ABAT: variants seen among roughly 807,000 people sequenced by gnomAD.
The protein encoded by ABAT is 4-aminobutyrate aminotransferase, mitochondrial.
A neutral mutation model predicts 64.6 loss-of-function variants in ABAT; 45 were observed. The observed-to-expected ratio is 0.70, with a 90% CI of 0.55 to 0.89. The LOEUF (loss-of-function observed/expected upper bound fraction) is 0.89. ABAT is among the 40% of genes least tolerant of loss of function. The pLI is 0.00. For missense variants in ABAT, 633 were observed against 658.4 expected (o/e 0.96, Z 0.42); for synonymous variants, 297 against 250.5 (o/e 1.19, Z -1.75).
chr16:8,722,075 G>A (rs1355471894), intron 1 of ABAT, among the ~76,000 whole-genome samples: 15 of 152,128 alleles, frequency 9.9e-5, no homozygotes. Context: ...TTTCAGTTCT[G>A]ATCATGTCAA....
Position 8,684,911 on chromosome 16 carries a change from C to T in ABAT, c.-42+10200C>T, listed in dbSNP as rs575895891. On this transcript the variant is annotated intron_variant, in intron 1 of 15. Transcript: ENST00000268251. ...GGTCTAAATAGATTCAAAACAGAGG[C>T]AAACATGGTTGGACAAGGCAGAATT... Among the ~76,000 whole-genome samples the T allele has an allele frequency of 4.0e-4, 61 of 152,204 alleles. No homozygotes were observed. In the Middle Eastern group the frequency reaches 0.01, roughly 25 times the overall value.
intron 1 of ABAT, chr16:8,683,260 C>A (rs12921061): frequency 0.14 from 21,489 of 152,782 alleles, 1,976 homozygotes; most frequent in Admixed American, 0.23. Flanking sequence ...ATCCACTGAG[C>A]AGGGCGGCAC....
chr16:8,774,219 A>C (rs1234752671), intron 12 of ABAT, among the ~76,000 whole-genome samples: 1 of 152,164 alleles, frequency 6.6e-6, no homozygotes, highest in African/African-American at 2.4e-5. Flanking sequence ...GGTGAGAGCC[A>C]CCGCGCCTTG....
At chr16:8,719,701 T>C (rs1464000322) in intron 1 of ABAT, among the ~76,000 whole-genome samples, 1 of 152,130 alleles carries the variant, frequency 6.6e-6, no homozygotes, top group East Asian at 1.9e-4. Context: ...AAGTCCAGCC[T>C]GGGAAACGTA....
At chr16:8,723,141 G>A (rs1399127748) in intron 1 of ABAT, among the ~76,000 whole-genome samples, 1 of 152,166 alleles carries the variant, frequency 6.6e-6, no homozygotes, top group East Asian at 1.9e-4. Context: ...GCTGAGGCAG[G>A]AGAATCACTT....
intron 2 of ABAT, among the ~76,000 whole-genome samples, chr16:8,741,216 C>T (rs1486882875): frequency 6.6e-6 from 1 of 152,240 alleles, no homozygotes; most frequent in Non-Finnish European, 1.5e-5. Flanking sequence ...AATGAAAATG[C>T]TTGATCATTC....
chr16:8,751,112 C>G (rs1214650018), intron 5 of ABAT, among the ~76,000 whole-genome samples: 1 of 152,052 alleles, frequency 6.6e-6, no homozygotes, highest in Non-Finnish European at 1.5e-5. Flanking sequence ...CCATGCCTAT[C>G]TAATTTTTGC....
intron 11 of ABAT, among the ~76,000 whole-genome samples, chr16:8,772,450 A>G (rs1179251559): frequency 1.3e-5 from 2 of 152,202 alleles, no homozygotes; most frequent in African/African-American, 2.4e-5. Flanking sequence ...TCATAGTGCT[A>G]TATTTTCTCA....
chr16:8,715,779 T>C (rs1326715892), intron 1 of ABAT: 1 of 151,776 alleles, frequency 6.6e-6, no homozygotes, highest in Non-Finnish European at 1.5e-5. Context: ...AAAAAGATAA[T>C]AGTATTTTAT....
chr16:8,747,030 C>T (rs1185107617), intron 3 of ABAT, among the ~76,000 whole-genome samples: 1 of 152,170 alleles, frequency 6.6e-6, no homozygotes, highest in Non-Finnish European at 1.5e-5. Flanking sequence ...GGGGCTTGTC[C>T]TCATGGCAAT....
intron 1 of ABAT, among the ~76,000 whole-genome samples, chr16:8,688,797 G>C (rs990860825): frequency 3.3e-5 from 5 of 152,232 alleles, no homozygotes; most frequent in Non-Finnish European, 5.9e-5. Flanking sequence ...AAGAAGTCCA[G>C]CTGGGCATGG....
In ABAT at chr16:8,776,587, C is replaced by T; in HGVS notation, c.1269+97C>T. ...GCTCTTCGGCATGGTGTTGTGCCTG[C>T]TGTTCCAGCAGTTCGTAACGGGCTG... On this transcript the variant is annotated intron_variant, in intron 14 of 15. Coordinates refer to ENST00000268251, the MANE Select transcript of ABAT (RefSeq NM_020686.6). This position sits in a 1 kb window ranked among gnomAD's most constrained non-coding sequence, Gnocchi z 4.4. The T allele has an allele frequency of 7.6e-7, 1 of 1,316,796 alleles. No individual in the cohort carries two copies. The highest frequency in any genetic ancestry group is 2.0e-5 in the Admixed American group (1 of 50,606). 81.6% of individuals were successfully genotyped at this position (1,316,796 alleles called of 1,614,324 possible). A position where few individuals can be genotyped will look rare whatever the true frequency, so the allele number is the denominator to read the frequency against.
At chr16:8,684,916 A>C (rs762311694) in intron 1 of ABAT, among the ~76,000 whole-genome samples, 1 of 152,190 alleles carries the variant, frequency 6.6e-6, no homozygotes, top group Non-Finnish European at 1.5e-5. Context: ...AGAGGCAAAC[A>C]TGGTTGGACA....
chr16:8,726,262 CT>C (rs71152921), intron 1 of ABAT, among the ~76,000 whole-genome samples: 92 of 120,804 alleles, frequency 7.6e-4, no homozygotes, highest in South Asian at 6.8e-3. Flanking sequence ...ATGACTAGAT[CT>C]TTTTTTTTTT....
chr16:8,700,718 C>A lies in ABAT; in HGVS notation c.-42+26007C>A, dbSNP rs115287934. ...ATCAAGCAGTCTTCCCACTCAGCTTCCCAAGTTGTTGGGACTACAGGTGTG... is the reference window on the plus strand; with the variant it reads ...ATCAAGCAGTCTTCCCACTCAGCTTACCAAGTTGTTGGGACTACAGGTGTG... On this transcript the variant is annotated intron_variant, in intron 1 of 15. Transcript: ENST00000268251. Among the ~76,000 whole-genome samples the A allele has an allele frequency of 4.2e-3, 644 of 152,254 alleles. 6 individuals are homozygous for A. Among genetic ancestry groups the A allele is most frequent in the African/African-American group, 0.015 (625 of 41,554 alleles).
rs148774708 is a variant in ABAT, at chr16:8,734,760, T to G, written c.-41-939T>G. 4.1e-3 allele frequency among the ~76,000 whole-genome samples: 626 copies of G among 152,070 alleles called. 3 individuals carry two copies. Among genetic ancestry groups the G allele is most frequent in the African/African-American group, 0.015 (605 of 41,450 alleles). On this transcript the variant is annotated intron_variant, in intron 1 of 15. Transcript: ENST00000268251. ...TTATGTAAAAAATACACATACCAAT[T>G]AACAAAACAGGTTTTTAGCAGAAAG...
intron 5 of ABAT, among the ~76,000 whole-genome samples, chr16:8,754,190 A>ATAAATAAAT (rs1567304992): frequency 1.8e-4 from 26 of 147,212 alleles, no homozygotes; most frequent in African/African-American, 5.7e-4. Flanking sequence ...AAAAAAAAAA[A>ATAAATAAAT]AAAAAAAAAA....
intron 1 of ABAT, among the ~76,000 whole-genome samples, chr16:8,728,349 C>G (rs1006192039): frequency 6.6e-5 from 10 of 152,172 alleles, no homozygotes; most frequent in Admixed American, 3.3e-4. Flanking sequence ...GGGATTGGCT[C>G]TCACTTTTGC....
chr16:8,685,711 GAAAAAACA>G (rs1263010002), intron 1 of ABAT, among the ~76,000 whole-genome samples: 2 of 151,720 alleles, frequency 1.3e-5, no homozygotes, highest in Non-Finnish European at 1.5e-5. Context: ...CAGCAACATC[GAAAAAACA>G]AAAAAACAAA....
Sources: gnomAD v4.1 joint callset for allele counts (sites outside exome capture counted in the v4.1 genomes callset) on GRCh38, gnomAD v4.1.1 for gene constraint, Gnocchi (gnomAD v3.1) non-coding constraint, MANE v1.5 for transcripts, NCBI Gene and HGNC (gene_info 2026-07-23, HGNC 2026-07-21) for gene names.